Variants in MASP2 observed in about 807,000 individuals in gnomAD.
The protein encoded by MASP2 is mannan-binding lectin serine protease 2.
Under a neutral mutation model 57.1 loss-of-function variants are expected in MASP2, and 49 were observed. That is an observed-to-expected ratio of 0.86 (90% CI 0.68 to 1.09). MASP2 has a LOEUF of 1.09. MASP2 is among the 50% of genes least tolerant of loss of function. The pLI, the probability that MASP2 is intolerant of heterozygous loss-of-function variation, is 0.00. For missense variants in MASP2, 900 were observed against 874.8 expected (o/e 1.03, Z -0.36); for synonymous variants, 379 against 340.8 (o/e 1.11, Z -1.24).
intron 6 of MASP2, among the ~76,000 whole-genome samples, chr1:11,039,112 T>A (rs950871143): frequency 6.6e-6 from 1 of 151,772 alleles, no homozygotes; most frequent in Non-Finnish European, 1.5e-5. Flanking sequence ...TATTCAAGGA[T>A]AGCTTCCTAG....
Position 11,046,713 on chromosome 1 carries a change from C to T in MASP2, c.255G>A (p.Val85=). The change falls in exon 3 of 11, where the codon GTG becomes GTA. Residue 85 remains valine (V), a synonymous_variant. Coordinates refer to ENST00000400897, the MANE Select transcript of MASP2 (RefSeq NM_006610.4). The stretch of plus-strand genomic sequence containing the variant: ...TCTCCTGCCCGCACAGCGTGGCCAG[C>T]ACCTTGGCCCCCGAGCTCAGCTGTG... ...DFVKLSSGAK[V]LATLCGQEST... is the part of the protein sequence containing the mutation. 6.2e-7 allele frequency: 1 copy of T among 1,612,950 alleles called. No homozygotes were observed. Among genetic ancestry groups the T allele is most frequent in the Non-Finnish European group, 8.5e-7 (1 of 1,179,820 alleles).
chr1:11,034,788 C>A (rs761829199), intron 8 of MASP2, 40 bp downstream of exon 8: 2 of 1,412,012 alleles, frequency 1.4e-6, no homozygotes, highest in Admixed American at 2.2e-5. Flanking sequence ...AGAGGGAGTT[C>A]CGGGCGGTTA....
At chr1:11,044,769 C>CA in intron 4 of MASP2, 14 of 1,344,006 alleles carry the variant, frequency 1.0e-5, no homozygotes, top group East Asian at 3.5e-5. Flanking sequence ...CCTCCCGACC[C>CA]TCCCACCCCA....
chr1:11,045,485 C>CA lies in MASP2; in HGVS notation c.466dup (p.Cys156LeufsTer21), dbSNP rs1557677609. The CA allele has an allele frequency of 6.2e-7, 1 of 1,612,462 alleles. No homozygotes were observed. Among genetic ancestry groups the CA allele is most frequent in the South Asian group, 1.1e-5 (1 of 91,058 alleles). On this transcript the variant is annotated frameshift_variant, in exon 4 of 11. Transcript: ENST00000400897. LOFTEE classifies it high-confidence loss of function. ...GTAGAAACCGCCCAGGTGGTTGTGG[C>CA]AGTGGTGGTCGCAGGTGGGCGCCTC...
chr1:11,037,368 T>C lies in MASP2; in HGVS notation c.1008+325A>G, dbSNP rs376335203. On this transcript the variant is annotated intron_variant, in intron 7 of 10. Transcript: ENST00000400897. ...CCTCCCAAAGTGCTGGGAATACAGG[T>C]GTGAGCCACCGCGCCTGGCCAAGTT... Among the ~76,000 whole-genome samples the C allele has an allele frequency of 6.9e-4, 104 of 151,646 alleles. 3 individuals carry two copies. In the East Asian group the frequency reaches 0.014, roughly 21 times the overall value.
rs1553161980 is a variant in MASP2 at position 11,043,529 on chromosome 1, C to G, written c.551G>C (p.Cys184Ser). ...HRNKRTCSAL[C>S]SGQVFTQRSG... ...CCTCTGGGTGAAGACCTGGCCGGAG[C>G]ACAGGGCTGGAAGGAGGGAAGGCAG... The change falls in exon 5 of 11, where the codon TGC (cysteine) becomes TCC (serine). Residue 184 changes from cysteine to serine, a missense_variant. Physicochemically the swap from Cys to Ser is moderately radical, Grantham distance 112 (BLOSUM62 -1). Coordinates refer to ENST00000400897, the MANE Select transcript of MASP2 (RefSeq NM_006610.4). The G allele has an allele frequency of 6.3e-7, 1 of 1,597,810 alleles. No homozygotes were observed.
rs1363036568 is a variant in MASP2 at position 11,026,754 on chromosome 1, A to C, written c.*131T>G. The C allele has an allele frequency of 3.1e-6, 2 of 653,578 alleles. No individual in the cohort carries two copies. The highest frequency in any genetic ancestry group is 4.8e-6 in the Non-Finnish European group (2 of 420,790). The allele number at this position is 653,578 out of a possible 1,614,324, so 40.5% of individuals were successfully genotyped here. On this transcript the variant is annotated 3_prime_UTR_variant, in exon 11 of 11. Coordinates refer to ENST00000400897, the MANE Select transcript of MASP2 (RefSeq NM_006610.4). ...GAGAAATGACAGCAGCCTCACCTGGAGTCTGTTTTTTTGGGTGGAGCAACA... is the reference window on the plus strand; with the variant it reads ...GAGAAATGACAGCAGCCTCACCTGGCGTCTGTTTTTTTGGGTGGAGCAACA...
rs771262318 is a variant in MASP2, at chr1:11,026,574, A to G, written c.*311T>C. The stretch of plus-strand genomic sequence containing the variant: ...GAGCATGGACAGGCAGTTTACAGAA[A>G]TGCCAACAGCCAGTATGAAAAGAGA... On this transcript the variant is annotated 3_prime_UTR_variant, in exon 11 of 11. Transcript: ENST00000400897. 3.8e-5 allele frequency: 8 copies of G among 213,324 alleles called. No individual in the cohort carries two copies. Among genetic ancestry groups the G allele is most frequent in the South Asian group, 1.8e-4 (1 of 5,504 alleles). The allele number at this position is 213,324 out of a possible 1,614,324, so 13.2% of individuals were successfully genotyped here. A position where few individuals can be genotyped will look rare whatever the true frequency, so the allele number is the denominator to read the frequency against.
Position 11,030,850 on chromosome 1 carries a change from T to TA in MASP2, c.1119_1120insT (p.Ser374Ter). 9 of 1,613,824 alleles carry TA rather than the reference T, an allele frequency of 5.6e-6. No individual in the cohort carries two copies. The highest frequency in any genetic ancestry group is 7.6e-6 in the Non-Finnish European group (9 of 1,179,910). On this transcript the variant is annotated frameshift_variant, in exon 9 of 11. Coordinates refer to ENST00000400897, the MANE Select transcript of MASP2 (RefSeq NM_006610.4). LOFTEE classifies it high-confidence loss of function. The stretch of plus-strand genomic sequence containing the variant: ...CCTGTGATGTACTCCACTCGGCCAC[T>TA]GGGTAGATCATCAGGAGGGCCACAG...
chr1:11,027,372 T>C lies in MASP2; in HGVS notation c.1574A>G (p.His525Arg), dbSNP rs745359886. 1.9e-5 allele frequency: 30 copies of C among 1,614,100 alleles called. No individual in the cohort carries two copies. In the Admixed American group the frequency reaches 4.8e-4, roughly 26 times the overall value. Residue 525 changes from histidine (H) to arginine (R), a missense_variant, in exon 11 of 11, where the codon CAT (histidine) becomes CGT (arginine). Physicochemically the swap from His to Arg is conservative, Grantham distance 29. Coordinates refer to ENST00000400897, the MANE Select transcript of MASP2 (RefSeq NM_006610.4). ...EAVFIHEGYT[H>R]DAGFDNDIAL... ...TATGTCATTGTCAAAGCCAGCATCA[T>C]GAGTATAACCTTCATGTATAAAAAC...
At position 11,045,052 on chromosome 1, in the gene MASP2, C is replaced by T. The variant is rs1405091718; in HGVS notation, c.544+356G>A. 5.4e-6 allele frequency: 6 copies of T among 1,113,940 alleles called. No individual in the cohort carries two copies. The Admixed American group carries it at 9.7e-5, about 18-fold the overall frequency. 69.0% of individuals were successfully genotyped at this position (1,113,940 alleles called of 1,614,324 possible). A position where few individuals can be genotyped will look rare whatever the true frequency, so the allele number is the denominator to read the frequency against. On this transcript the variant is annotated intron_variant, in intron 4 of 10. Transcript: ENST00000400897. ...CCAGCAGGTGGGGCTGCCCACGCCC[C>T]AGAGCACTGGCCCGTCCCACAGTGC...
Position 11,030,367 on chromosome 1 carries a change from C to CTG in MASP2, c.1223-119_1223-118dup, listed in dbSNP as rs1643823834. On this transcript the variant is annotated intron_variant, in intron 9 of 10. Transcript: ENST00000400897. Reference sequence around the variant, plus strand: ...GAGCATCAGTGGGACATAGAGGTGTCTGAAGAACCATTTTACATGATTTCA... The same window carrying CTG: ...GAGCATCAGTGGGACATAGAGGTGTCTGTGAAGAACCATTTTACATGATTTCA... 4 of 687,158 alleles carry CTG rather than the reference C, an allele frequency of 5.8e-6. No individual in the cohort carries two copies. In the South Asian group the frequency reaches 7.1e-5, roughly 12 times the overall value. 42.6% of individuals were successfully genotyped at this position (687,158 alleles called of 1,614,324 possible). A position where few individuals can be genotyped will look rare whatever the true frequency, so the allele number is the denominator to read the frequency against.
intron 4 of MASP2, chr1:11,044,778 C>CCCAG: frequency 7.1e-7 from 1 of 1,406,604 alleles, no homozygotes; most frequent in East Asian, 3.3e-5. Context: ...CCTCCCACCC[C>CCCAG]AGAGACACGT....
rs374373056 is a variant in MASP2, at chr1:11,027,008, C to T, written c.1938G>A (p.Arg646=). The change falls in exon 11 of 11, where the codon AGG becomes AGA. Residue 646 remains arginine, a synonymous_variant. Coordinates refer to ENST00000400897, the MANE Select transcript of MASP2 (RefSeq NM_006610.4). ...AGGACACTATTCCTCCCACAAACCA[C>T]CTCTCTGTTTCACTATCTAGAAACA... is the stretch of plus-strand genomic sequence containing the variant. The part of the protein sequence containing the change: ...ALVFLDSETE[R]WFVGGIVSWG... 3.8e-4 allele frequency: 607 copies of T among 1,599,436 alleles called. 7 individuals carry two copies. In the South Asian group the frequency reaches 5.6e-3, roughly 15 times the overall value.
chr1:11,029,880 T>TGA (rs1643812997), intron 10 of MASP2: 3 of 201,240 alleles, frequency 1.5e-5, no homozygotes, highest in Non-Finnish European at 2.0e-5. Flanking sequence ...TGCCTCGGCC[T>TGA]CCCAAAGTGC....
chr1:11,037,774 G>C lies in MASP2; in HGVS notation c.927C>G (p.Gly309=). 6.2e-7 allele frequency: 1 copy of C among 1,612,950 alleles called. No homozygotes were observed. ...ATTTGGCTTGCACAGGTGAAACGTGGCCATTAGGTGGCGCCATCGGATAAG... is the reference window on the plus strand; with the variant it reads ...ATTTGGCTTGCACAGGTGAAACGTGCCCATTAGGTGGCGCCATCGGATAAG... ...PCPYPMAPPN[G]HVSPVQAKYI... is the part of the protein sequence containing the mutation. Residue 309 remains glycine, a synonymous_variant, in exon 7 of 11, where the codon GGC becomes GGG. Transcript: ENST00000400897.
At position 11,036,510 on chromosome 1, in the gene MASP2, C is replaced by CAAAAAAAAAAAAAAA. The variant is rs35642467; in HGVS notation, c.1008+1168_1008+1182dup. 6.4e-3 allele frequency among the ~76,000 whole-genome samples: 350 copies of CAAAAAAAAAAAAAAA among 54,400 alleles called. 1 individual carries two copies. The highest frequency in any genetic ancestry group is 9.0e-3 in the Non-Finnish European group (276 of 30,564). 35.7% of individuals were successfully genotyped at this position (54,400 alleles called of 152,430 possible). A position where few individuals can be genotyped will look rare whatever the true frequency, so the allele number is the denominator to read the frequency against. On this transcript the variant is annotated intron_variant, in intron 7 of 10. Coordinates refer to ENST00000400897, the MANE Select transcript of MASP2 (RefSeq NM_006610.4). ...TGGGCGACAGAGCGAGACTCCGTCT[C>CAAAAAAAAAAAAAAA]AAAAAAAAAAAAAAAAAAAAAAAAA...
In MASP2 at chr1:11,026,699, T is replaced by A; in HGVS notation, c.*186A>T. 2.3e-6 allele frequency: 1 copy of A among 438,284 alleles called. No individual in the cohort carries two copies. 27.1% of individuals were successfully genotyped at this position (438,284 alleles called of 1,614,324 possible). On this transcript the variant is annotated 3_prime_UTR_variant, in exon 11 of 11. Transcript: ENST00000400897. ...CGTGGTTTATGTCCCCTTGAGTCAA[T>A]GGGTAAGGCTGGAATTAAACTGGCA...
At chr1:11,037,628 G>T in intron 7 of MASP2, 65 bp downstream of exon 7, 1 of 990,836 alleles carries the variant, frequency 1.0e-6, no homozygotes. Flanking sequence ...CATATCTGCA[G>T]ATAGAAATAT....
Sources: gnomAD v4.1 joint callset for allele counts (sites outside exome capture counted in the v4.1 genomes callset) on GRCh38, gnomAD v4.1.1 for gene constraint, MANE v1.5 for transcripts, NCBI Gene and HGNC (gene_info 2026-07-23, HGNC 2026-07-21) for gene names.